The following SLC35F3 variants were observed in gnomAD, a reference collection of about 807,000 sequenced individuals.
SLC35F3 encodes the protein putative thiamine transporter SLC35F3.
A neutral mutation model predicts 49.9 loss-of-function variants in SLC35F3; 25 were observed. That is an observed-to-expected ratio of 0.50 (90% CI 0.37 to 0.70). SLC35F3 has a LOEUF of 0.70. Ranked by LOEUF, SLC35F3 falls within the 30% of genes least tolerant of loss-of-function variation. The probability of loss-of-function intolerance (pLI) is 0.00; values close to 1 mark genes in which losing one functional copy is unlikely to be tolerated. For missense variants in SLC35F3, 525 were observed against 639.8 expected, an observed-to-expected ratio of 0.82 and a Z score of 1.94; for synonymous variants, 275 against 265.4, an observed-to-expected ratio of 1.04 and a Z score of -0.35.
intron 2 of SLC35F3, among the ~76,000 whole-genome samples, chr1:233,955,011 T>C (rs571425887): frequency 6.6e-6 from 1 of 152,158 alleles, no homozygotes; most frequent in African/African-American, 2.4e-5. Flanking sequence ...GCCCGGCTAA[T>C]TTTTGTATTT....
intron 2 of SLC35F3, among the ~76,000 whole-genome samples, chr1:233,965,678 A>G (rs1390041892): frequency 6.6e-6 from 1 of 152,174 alleles, no homozygotes; most frequent in Non-Finnish European, 1.5e-5. Context: ...TGAGCTTGGA[A>G]GTGGATTCTT....
At chr1:234,049,569 G>GAAA in intron 2 of SLC35F3, among the ~76,000 whole-genome samples, 1 of 152,138 alleles carries the variant, frequency 6.6e-6, no homozygotes, top group African/African-American at 2.4e-5. Context: ...CACTCAGTCT[G>GAAA]TGGTATTTTA....
intron 3 of SLC35F3, among the ~76,000 whole-genome samples, chr1:234,267,187 G>A (rs1024349157): frequency 3.1e-5 from 4 of 130,376 alleles, no homozygotes; most frequent in East Asian, 2.2e-4. Flanking sequence ...GAGAGCACAG[G>A]GTTGGGGATA....
intron 2 of SLC35F3, among the ~76,000 whole-genome samples, chr1:234,060,641 C>T (rs1031837191): frequency 3.3e-5 from 5 of 151,896 alleles, no homozygotes; most frequent in East Asian, 1.9e-4. Context: ...TGGTAGAGAC[C>T]GGGTTTTACC....
intron 2 of SLC35F3, among the ~76,000 whole-genome samples, chr1:234,106,154 G>T (rs1020098273): frequency 1.3e-5 from 2 of 152,182 alleles, no homozygotes; most frequent in Non-Finnish European, 2.9e-5. Flanking sequence ...CCCAGTCCAA[G>T]GTAGTTCACC....
intron 2 of SLC35F3, among the ~76,000 whole-genome samples, chr1:234,104,237 A>G (rs1388173063): frequency 6.6e-6 from 1 of 152,250 alleles, no homozygotes; most frequent in Non-Finnish European, 1.5e-5. Context: ...ATAGTCACCT[A>G]CAATAACTTG....
chr1:234,092,748 G>A (rs1007188394), intron 2 of SLC35F3, among the ~76,000 whole-genome samples: 1 of 151,940 alleles, frequency 6.6e-6, no homozygotes, highest in Non-Finnish European at 1.5e-5. Context: ...CATGCCTATA[G>A]TCCCAGCTAC....
At chr1:234,256,818 G>A (rs1241253980) in intron 3 of SLC35F3, among the ~76,000 whole-genome samples, 2 of 152,148 alleles carry the variant, frequency 1.3e-5, no homozygotes, top group Non-Finnish European at 2.9e-5. Context: ...TGTATATTTG[G>A]CCACCCCATC....
At chr1:233,946,430 G>T (rs116758703) in intron 2 of SLC35F3, among the ~76,000 whole-genome samples, 1 of 152,138 alleles carries the variant, frequency 6.6e-6, no homozygotes, top group African/African-American at 2.4e-5. Context: ...AAAAGATATC[G>T]AATGAATATA....
chr1:234,082,889 G>A (rs1467138164), intron 2 of SLC35F3, among the ~76,000 whole-genome samples: 1 of 152,140 alleles, frequency 6.6e-6, no homozygotes, highest in African/African-American at 2.4e-5. Flanking sequence ...GGGAATTATG[G>A]GAGCCACATG....
chr1:234,134,886 T>C lies in SLC35F3; in HGVS notation c.284-96531T>C, dbSNP rs1054770507. 3.3e-5 allele frequency among the ~76,000 whole-genome samples: 5 copies of C among 152,090 alleles called. No individual in the cohort carries two copies. The South Asian group carries it at 1.0e-3, about 32-fold the overall frequency. ...ACAGGCATGTGCCACCACGCCCGGATAATTTTTGTATTTTTAGTAGAGACG... is the reference window on the plus strand; with the variant it reads ...ACAGGCATGTGCCACCACGCCCGGACAATTTTTGTATTTTTAGTAGAGACG... On this transcript the variant is annotated intron_variant, in intron 2 of 7. Coordinates refer to ENST00000366618, the MANE Select transcript of SLC35F3 (RefSeq NM_173508.4).
rs528928847 is a variant in SLC35F3, at chr1:233,979,406, G to A, written c.283+73648G>A. ...ATTATTCGGGCCGAACAGTACCCAA[G>A]CCTTTCAGACAGCATGATATGAAGA... On this transcript the variant is annotated intron_variant, in intron 2 of 7. Transcript: ENST00000366618. Among the ~76,000 whole-genome samples, 51 of 152,328 alleles carry A rather than the reference G, an allele frequency of 3.3e-4. 1 individual carries two copies. The South Asian group carries it at 0.01, about 30-fold the overall frequency.
chr1:234,236,984 C>A (rs1667485586), intron 3 of SLC35F3, among the ~76,000 whole-genome samples: 1 of 126,188 alleles, frequency 7.9e-6, no homozygotes, highest in Non-Finnish European at 1.6e-5. Context: ...GGGGCGAGAG[C>A]TGAGGGCAGA....
At chr1:234,101,196 C>T (rs1665208609) in intron 2 of SLC35F3, among the ~76,000 whole-genome samples, 2 of 152,104 alleles carry the variant, frequency 1.3e-5, no homozygotes, top group South Asian at 4.1e-4. Context: ...GGACTCAGCA[C>T]TCACGGCAGT....
intron 3 of SLC35F3, among the ~76,000 whole-genome samples, chr1:234,267,737 G>A (rs1249628201): frequency 6.6e-6 from 1 of 151,054 alleles, no homozygotes; most frequent in Non-Finnish European, 1.5e-5. Flanking sequence ...TCACTTCTCA[G>A]ACGGGGCGGT....
chr1:234,028,984 A>G (rs1187000991), intron 2 of SLC35F3, among the ~76,000 whole-genome samples: 1 of 152,256 alleles, frequency 6.6e-6, no homozygotes. Context: ...GAACTCAGGC[A>G]TGAGGGACTT....
intron 2 of SLC35F3, among the ~76,000 whole-genome samples, chr1:234,212,372 A>G (rs1193101743): frequency 6.6e-6 from 1 of 152,210 alleles, no homozygotes; most frequent in African/African-American, 2.4e-5. Context: ...ATATATCAAA[A>G]CCACATTCAA....
intron 2 of SLC35F3, among the ~76,000 whole-genome samples, chr1:234,083,985 A>G (rs946779204): frequency 6.6e-6 from 1 of 151,532 alleles, no homozygotes; most frequent in African/African-American, 2.4e-5. Flanking sequence ...TTACAGGCAT[A>G]TGTCACCATG....
At chr1:234,276,146 G>A (rs1284754362) in intron 3 of SLC35F3, among the ~76,000 whole-genome samples, 1 of 152,148 alleles carries the variant, frequency 6.6e-6, no homozygotes, top group Non-Finnish European at 1.5e-5. Flanking sequence ...AGTTAATTAA[G>A]TAGGATATTT....
Sources: gnomAD v4.1 joint callset for allele counts (sites outside exome capture counted in the v4.1 genomes callset) on GRCh38, gnomAD v4.1.1 for gene constraint, MANE v1.5 for transcripts, NCBI Gene and HGNC (gene_info 2026-07-23, HGNC 2026-07-21) for gene names.